ARHGAP15: variants seen among roughly 807,000 people sequenced by gnomAD.
ARHGAP15 encodes the protein rho GTPase-activating protein 15.
In ARHGAP15, 51 loss-of-function variants were observed where a neutral mutation model predicts 63.7. The ratio of observed to expected loss-of-function variants is 0.80; its 90% CI spans 0.64 to 1.01. The LOEUF (loss-of-function observed/expected upper bound fraction) is 1.01. Among genes scored for constraint, ARHGAP15 ranks in the 50% least tolerant of loss-of-function variants. The pLI, the probability that ARHGAP15 is intolerant of heterozygous loss-of-function variation, is 0.00. For synonymous variants in ARHGAP15, 191 were observed against 193.8 expected, an observed-to-expected ratio of 0.99 and a Z score of 0.12; for missense variants, 560 against 564.6, an observed-to-expected ratio of 0.99 and a Z score of 0.08.
chr2:143,434,670 T>C (rs1689530961), intron 6 of ARHGAP15, among the ~76,000 whole-genome samples: 1 of 152,136 alleles, frequency 6.6e-6, no homozygotes, highest in African/African-American at 2.4e-5. Flanking sequence ...GTGACAGTAG[T>C]TGGGAAATGT....
chr2:143,284,060 G>A (rs978696829), intron 6 of ARHGAP15, among the ~76,000 whole-genome samples: 14 of 151,904 alleles, frequency 9.2e-5, no homozygotes, highest in Non-Finnish European at 1.6e-4. Context: ...TCCACCCCTC[G>A]ATCGCCTCCC....
At chr2:143,340,672 T>G (rs1014957592) in intron 6 of ARHGAP15, among the ~76,000 whole-genome samples, 2 of 152,068 alleles carry the variant, frequency 1.3e-5, no homozygotes, top group African/African-American at 4.8e-5. Context: ...GAGCAGAGAT[T>G]GCCGGAATGC....
chr2:143,356,060 AAG>A (rs199746890), intron 6 of ARHGAP15, among the ~76,000 whole-genome samples: 3 of 151,746 alleles, frequency 2.0e-5, no homozygotes, highest in African/African-American at 4.9e-5. Flanking sequence ...TTAAAAAAAA[AAG>A]AGAGAGAGAG....
chr2:143,744,486 A>G (rs1289283205), intron 13 of ARHGAP15, among the ~76,000 whole-genome samples: 1 of 152,234 alleles, frequency 6.6e-6, no homozygotes, highest in Non-Finnish European at 1.5e-5. Flanking sequence ...TTTTAATCCA[A>G]TTGAAATGAA....
chr2:143,542,765 ATATAATATATATAT>A, intron 10 of ARHGAP15, among the ~76,000 whole-genome samples: 1 of 96,160 alleles, frequency 1.0e-5, no homozygotes, highest in East Asian at 2.0e-4. Context: ...AATATCACAT[ATATAATATATATAT>A]GATATATATA....
Position 143,155,460 on chromosome 2 carries a change from A to G in ARHGAP15, c.-14-17A>G, listed in dbSNP as rs1241691642. On this transcript the variant is annotated splice_polypyrimidine_tract_variant and intron_variant, in intron 1 of 13. Transcript: ENST00000295095. The stretch of plus-strand genomic sequence containing the variant: ...TTGTATGTTTAGAATAACATAATAC[A>G]TTTTATATTTTATCAGGATAGCACT... 8 of 1,557,586 alleles carry G rather than the reference A, an allele frequency of 5.1e-6. No homozygotes were observed. The highest frequency in any genetic ancestry group is 1.4e-5 in the African/African-American group (1 of 70,956).
At chr2:143,759,183 T>C (rs1262120116) in intron 13 of ARHGAP15, among the ~76,000 whole-genome samples, 1 of 151,872 alleles carries the variant, frequency 6.6e-6, no homozygotes, top group Non-Finnish European at 1.5e-5. Flanking sequence ...CTCTCATAGG[T>C]GGAGGGGTGG....
chr2:143,549,676 A>T (rs1183389011), intron 10 of ARHGAP15, among the ~76,000 whole-genome samples: 1 of 152,206 alleles, frequency 6.6e-6, no homozygotes, highest in Non-Finnish European at 1.5e-5. Context: ...TAAGGACGGA[A>T]AAGTTGCTGG....
intron 3 of ARHGAP15, among the ~76,000 whole-genome samples, chr2:143,208,590 A>G (rs1692441542): frequency 6.6e-6 from 1 of 152,176 alleles, no homozygotes; most frequent in Non-Finnish European, 1.5e-5. Context: ...GTTTCGGTAG[A>G]AGAGACGGAA....
chr2:143,523,545 C>T (rs1322089034), intron 10 of ARHGAP15, among the ~76,000 whole-genome samples: 2 of 152,002 alleles, frequency 1.3e-5, no homozygotes, highest in African/African-American at 4.8e-5. Context: ...CATGTTTCTA[C>T]CCAATAATAC....
intron 6 of ARHGAP15, among the ~76,000 whole-genome samples, chr2:143,413,967 G>GTGTA (rs1553476589): frequency 3.8e-5 from 1 of 26,664 alleles, no homozygotes; most frequent in South Asian, 1.2e-3. Flanking sequence ...GTGTGTGTGT[G>GTGTA]CGCGCTCTCT....
intron 11 of ARHGAP15, among the ~76,000 whole-genome samples, chr2:143,578,044 T>C (rs955431456): frequency 6.6e-6 from 1 of 152,052 alleles, no homozygotes; most frequent in African/African-American, 2.4e-5. Context: ...TTTTGCAGAG[T>C]TTTGGGAACT....
intron 11 of ARHGAP15, chr2:143,607,622 G>A (rs971270572): frequency 6.6e-6 from 1 of 151,848 alleles, no homozygotes; most frequent in South Asian, 2.1e-4. Flanking sequence ...TCAGAGGTCC[G>A]AATTTGGCCA....
chr2:143,148,232 C>A (rs1689669701), intron 1 of ARHGAP15, among the ~76,000 whole-genome samples: 1 of 152,000 alleles, frequency 6.6e-6, no homozygotes, highest in African/African-American at 2.4e-5. Flanking sequence ...GGCCTCACAT[C>A]ACCTCCACCC....
At chr2:143,524,827 T>C (rs1380398183) in intron 10 of ARHGAP15, among the ~76,000 whole-genome samples, 3 of 152,244 alleles carry the variant, frequency 2.0e-5, no homozygotes, top group Non-Finnish European at 4.4e-5. Flanking sequence ...ATTTGCCATA[T>C]ACATGTTGCA....
intron 6 of ARHGAP15, among the ~76,000 whole-genome samples, chr2:143,379,408 T>C (rs1164953774): frequency 2.6e-5 from 4 of 151,534 alleles, no homozygotes; most frequent in Admixed American, 6.6e-5. Flanking sequence ...CTTGAATTCA[T>C]AGTAAAATGA....
chr2:143,545,593 G>A (rs1335203123), intron 10 of ARHGAP15, among the ~76,000 whole-genome samples: 1 of 152,046 alleles, frequency 6.6e-6, no homozygotes, highest in East Asian at 1.9e-4. Context: ...GTGAATGTGT[G>A]TGGCTTTTTC....
chr2:143,156,536 G>T (rs1325155127), intron 2 of ARHGAP15, among the ~76,000 whole-genome samples: 1 of 151,828 alleles, frequency 6.6e-6, no homozygotes, highest in Non-Finnish European at 1.5e-5. Context: ...TATCATAGGG[G>T]CCTATGAAAT....
chr2:143,169,698 G>T (rs989047550), intron 2 of ARHGAP15, among the ~76,000 whole-genome samples: 4 of 151,450 alleles, frequency 2.6e-5, no homozygotes, highest in African/African-American at 9.7e-5. Context: ...GATATGGAAA[G>T]CATTTGTGGG....
Sources: allele counts gnomAD v4.1 joint callset (sites outside exome capture counted in the v4.1 genomes callset), GRCh38; gene constraint gnomAD v4.1.1; transcripts MANE v1.5; gene names NCBI Gene and HGNC (gene_info 2026-07-23, HGNC 2026-07-21).